The following IQUB variants were observed in gnomAD, a reference collection of about 807,000 sequenced individuals.
The protein encoded by IQUB is IQ motif and ubiquitin-like domain-containing protein.
In IQUB, 86 loss-of-function variants were observed where a neutral mutation model predicts 86.4. That is an observed-to-expected ratio of 1.00 (90% CI 0.84 to 1.19). The LOEUF (loss-of-function observed/expected upper bound fraction) is 1.19. Among genes scored for constraint, IQUB ranks in the 50% most tolerant of loss-of-function variants. The probability of loss-of-function intolerance (pLI) is 0.00; values close to 1 mark genes in which losing one functional copy is unlikely to be tolerated. For missense variants in IQUB, 946 were observed against 916.9 expected (o/e 1.03, Z -0.41); for synonymous variants, 289 against 304.5 (o/e 0.95, Z 0.53).
chr7:123,469,693 G>T (rs981081895), intron 8 of IQUB, among the ~76,000 whole-genome samples: 1 of 152,184 alleles, frequency 6.6e-6, no homozygotes, highest in East Asian at 1.9e-4. Flanking sequence ...ACCCCATGAG[G>T]ACAATTATTT....
intron 1 of IQUB, among the ~76,000 whole-genome samples, chr7:123,525,940 T>C (rs547828063): frequency 7.1e-6 from 1 of 140,774 alleles, no homozygotes; most frequent in Non-Finnish European, 1.5e-5. Flanking sequence ...TCTTTATTTC[T>C]GCCTTCATTT....
At chr7:123,519,024 G>A (rs992960143) in intron 1 of IQUB, among the ~76,000 whole-genome samples, 1 of 151,610 alleles carries the variant, frequency 6.6e-6, no homozygotes, top group African/African-American at 2.4e-5. Flanking sequence ...TTTCTCAAAA[G>A]AAGACATAAA....
intron 7 of IQUB, among the ~76,000 whole-genome samples, chr7:123,492,986 G>A (rs1795538134): frequency 6.6e-6 from 1 of 152,148 alleles, no homozygotes; most frequent in Non-Finnish European, 1.5e-5. Context: ...ATTCTCTACT[G>A]TATAGTCCCC....
Position 123,503,301 on chromosome 7 carries a change from G to A in IQUB, c.595C>T (p.Gln199Ter), listed in dbSNP as rs1167438216. The change falls in exon 4 of 13, where the codon CAA becomes TAA. Residue 199 changes from glutamine to a stop codon, truncating the protein, a stop_gained. Coordinates refer to ENST00000324698, the MANE Select transcript of IQUB (RefSeq NM_178827.5). LOFTEE classifies it high-confidence loss of function. ...QHGVKPQEIVQVEIFSTNPDL... is the reference protein window; with the variant it reads ...QHGVKPQEIV ...GGATTTGTAGAAAAGATTTCCACTTGTACAATTTCCTGTGGCTTAACTCCA... is the reference window on the plus strand; with the variant it reads ...GGATTTGTAGAAAAGATTTCCACTTATACAATTTCCTGTGGCTTAACTCCA... The A allele has an allele frequency of 6.2e-7, 1 of 1,602,448 alleles. No homozygotes were observed. The highest frequency in any genetic ancestry group is 1.7e-5 in the Admixed American group (1 of 59,526).
At chr7:123,491,067 T>C (rs1237972436) in intron 7 of IQUB, among the ~76,000 whole-genome samples, 1 of 151,830 alleles carries the variant, frequency 6.6e-6, no homozygotes, top group Non-Finnish European at 1.5e-5. Flanking sequence ...CAGAAAGATA[T>C]CTGAAAAATC....
intron 6 of IQUB, among the ~76,000 whole-genome samples, chr7:123,499,278 T>C (rs920372801): frequency 1.8e-4 from 28 of 151,998 alleles, no homozygotes; most frequent in African/African-American, 6.3e-4. Context: ...CCTAGCTAAT[T>C]CTTGTATTTT....
At chr7:123,501,799 T>G (rs1020373450) in intron 6 of IQUB, 4 of 152,224 alleles carry the variant, frequency 2.6e-5, no homozygotes, top group African/African-American at 9.6e-5. Context: ...AGAATACTGC[T>G]TCCCCTAAAT....
At chr7:123,481,350 T>C (rs1026712095) in intron 7 of IQUB, among the ~76,000 whole-genome samples, 4 of 152,128 alleles carry the variant, frequency 2.6e-5, no homozygotes, top group Admixed American at 2.0e-4. Context: ...TGATTTATCA[T>C]AGTACCTCTT....
intron 6 of IQUB, among the ~76,000 whole-genome samples, chr7:123,499,521 G>A (rs1374214210): frequency 1.3e-5 from 2 of 152,064 alleles, no homozygotes; most frequent in African/African-American, 4.8e-5. Context: ...ATGGACTCTC[G>A]GAAAGGGTAC....
intron 1 of IQUB, among the ~76,000 whole-genome samples, chr7:123,530,080 G>A (rs1173331117): frequency 1.3e-5 from 2 of 152,082 alleles, no homozygotes; most frequent in South Asian, 2.1e-4. Flanking sequence ...GTGGTGGCAG[G>A]AGCCTGCAAT....
At chr7:123,465,534 T>G (rs974067440) in intron 9 of IQUB, among the ~76,000 whole-genome samples, 2 of 151,984 alleles carry the variant, frequency 1.3e-5, no homozygotes, top group Non-Finnish European at 2.9e-5. Flanking sequence ...CTATTTATTA[T>G]AGGTCACAAT....
chr7:123,504,557 G>T (rs1274986269), intron 3 of IQUB, among the ~76,000 whole-genome samples: 1 of 152,110 alleles, frequency 6.6e-6, no homozygotes, highest in African/African-American at 2.4e-5. Context: ...GAGGAAGAAG[G>T]CACATCTTAC....
At position 123,503,031 on chromosome 7, in the gene IQUB, T is replaced by TACTTTATGTCTGAATCCACCAAGTA; in HGVS notation, c.779_780insTACTTGGTGGATTCAGACATAAAGT (p.Gly262TrpfsTer6). On this transcript the variant is annotated stop_gained and frameshift_variant, in exon 5 of 13. Coordinates refer to ENST00000324698, the MANE Select transcript of IQUB (RefSeq NM_178827.5). LOFTEE classifies it high-confidence loss of function. ...CAGCATTGTGATACTCTACTCCTGT[T>TACTTTATGTCTGAATCCACCAAGTA]ACTTTATGTCTGAATCCACCAAGAA... 6.2e-7 allele frequency: 1 copy of TACTTTATGTCTGAATCCACCAAGTA among 1,613,186 alleles called. No individual in the cohort carries two copies. Among genetic ancestry groups the TACTTTATGTCTGAATCCACCAAGTA allele is most frequent in the Non-Finnish European group, 8.5e-7 (1 of 1,179,364 alleles).
intron 7 of IQUB, among the ~76,000 whole-genome samples, chr7:123,483,987 AGTATT>A (rs1795112412): frequency 6.6e-6 from 1 of 152,068 alleles, no homozygotes; most frequent in Admixed American, 6.6e-5. Flanking sequence ...TGAGGCCACA[AGTATT>A]GTATCTGGCC....
chr7:123,495,193 C>T (rs1795654158), intron 7 of IQUB, among the ~76,000 whole-genome samples: 1 of 151,948 alleles, frequency 6.6e-6, no homozygotes, highest in Non-Finnish European at 1.5e-5. Flanking sequence ...AAAACAGACA[C>T]ACAATTCTAG....
At chr7:123,470,367 A>C (rs1403385019) in intron 8 of IQUB, among the ~76,000 whole-genome samples, 1 of 152,144 alleles carries the variant, frequency 6.6e-6, no homozygotes, top group Non-Finnish European at 1.5e-5. Flanking sequence ...TTCTTCAAAA[A>C]CATGTTGGAT....
At chr7:123,513,532 T>TA (rs971899793) in intron 1 of IQUB, among the ~76,000 whole-genome samples, 55 of 152,162 alleles carry the variant, frequency 3.6e-4, no homozygotes, top group African/African-American at 9.9e-4. Flanking sequence ...CTTTGCAGTC[T>TA]AAAAAAAACC....
At chr7:123,484,810 G>A (rs1406642205) in intron 7 of IQUB, among the ~76,000 whole-genome samples, 1 of 152,014 alleles carries the variant, frequency 6.6e-6, no homozygotes, top group Non-Finnish European at 1.5e-5. Flanking sequence ...GACGAGAAAT[G>A]AAAATAAAAG....
At chr7:123,488,685 A>G (rs1795327703) in intron 7 of IQUB, among the ~76,000 whole-genome samples, 1 of 152,214 alleles carries the variant, frequency 6.6e-6, no homozygotes, top group Admixed American at 6.5e-5. Flanking sequence ...AGAAAGAGCA[A>G]TCAGTATGAG....
Sources: gnomAD v4.1 joint callset for allele counts (sites outside exome capture counted in the v4.1 genomes callset) on GRCh38, gnomAD v4.1.1 for gene constraint, MANE v1.5 for transcripts, NCBI Gene and HGNC (gene_info 2026-07-23, HGNC 2026-07-21) for gene names.